Variants in ATP13A4 observed in about 807,000 individuals in gnomAD.
ATP13A4 encodes the protein probable cation-transporting ATPase 13A4.
ATP13A4 carries 114 observed loss-of-function variants against 142.5 expected under a neutral mutation model. That is an observed-to-expected ratio of 0.80 (90% CI 0.69 to 0.93). The LOEUF (loss-of-function observed/expected upper bound fraction) is 0.93, where lower values mean the gene tolerates loss of function less well. Among genes scored for constraint, ATP13A4 ranks in the 40% least tolerant of loss-of-function variants. The pLI, the probability that ATP13A4 is intolerant of heterozygous loss-of-function variation, is 0.00. For missense variants in ATP13A4, 1,392 were observed against 1,454.0 expected, an observed-to-expected ratio of 0.96 and a Z score of 0.69; for synonymous variants, 488 against 514.8, an observed-to-expected ratio of 0.95 and a Z score of 0.70.
intron 1 of ATP13A4, among the ~76,000 whole-genome samples, chr3:193,530,702 C>G (rs995724176): frequency 3.9e-5 from 6 of 152,152 alleles, no homozygotes; most frequent in Non-Finnish European, 8.8e-5. Flanking sequence ...AATTCACTTA[C>G]CTACTAGAGT....
chr3:193,540,697 T>C (rs1484655255), intron 1 of ATP13A4, among the ~76,000 whole-genome samples: 1 of 150,300 alleles, frequency 6.7e-6, no homozygotes, highest in African/African-American at 2.4e-5. Context: ...ATTAAAAGAA[T>C]GTTTATTAAG....
At chr3:193,573,122 C>T (rs997826202) in intron 2 of ATP13A4, among the ~76,000 whole-genome samples, 2 of 150,466 alleles carry the variant, frequency 1.3e-5, no homozygotes, top group Non-Finnish European at 3.0e-5. Flanking sequence ...GAGCCGAGAT[C>T]ACCGACATGG....
intron 19 of ATP13A4, among the ~76,000 whole-genome samples, chr3:193,442,182 G>A (rs1219167305): frequency 6.6e-6 from 1 of 152,136 alleles, no homozygotes; most frequent in Non-Finnish European, 1.5e-5. Context: ...CTTTTTTAAG[G>A]TTAAAAGATG....
intron 1 of ATP13A4, among the ~76,000 whole-genome samples, chr3:193,592,729 T>C (rs989564750): frequency 8.5e-5 from 13 of 152,228 alleles, no homozygotes; most frequent in African/African-American, 3.1e-4. Flanking sequence ...GGACTTAGCC[T>C]ATCCATGACT....
chr3:193,455,140 C>T (rs1254421775), intron 16 of ATP13A4, among the ~76,000 whole-genome samples: 1 of 151,892 alleles, frequency 6.6e-6, no homozygotes, highest in Non-Finnish European at 1.5e-5. Context: ...AAATCGAGAC[C>T]ATCCTGGCTA....
In ATP13A4 at chr3:193,491,325, T is replaced by C; in HGVS notation, c.603+4A>G. On this transcript the variant is annotated splice_donor_region_variant and intron_variant, in intron 6 of 29. Transcript: ENST00000342695. ...ACACCAAGAGAAAATGCTGGAGAAA[T>C]TACCTCCTTGATGAGCAGTTTCCAA... is the stretch of plus-strand genomic sequence containing the variant. The C allele has an allele frequency of 6.3e-7, 1 of 1,589,798 alleles. No individual in the cohort carries two copies. Among genetic ancestry groups the C allele is most frequent in the South Asian group, 1.1e-5 (1 of 90,548 alleles).
intron 2 of ATP13A4, among the ~76,000 whole-genome samples, chr3:193,562,662 G>A (rs946353505): frequency 1.3e-5 from 2 of 152,142 alleles, no homozygotes; most frequent in Non-Finnish European, 2.9e-5. Flanking sequence ...ATGAGGTCAG[G>A]AGTTCAAGAC....
upstream of ATP13A4, among the ~76,000 whole-genome samples, chr3:193,558,322 A>C (rs1723947306): frequency 6.6e-6 from 1 of 152,174 alleles, no homozygotes; most frequent in South Asian, 2.1e-4. Flanking sequence ...TCTATACTCT[A>C]CGTGCCTCAC....
At chr3:193,455,014 CA>C (rs550161632) in intron 16 of ATP13A4, among the ~76,000 whole-genome samples, 290 of 151,926 alleles carry the variant, frequency 1.9e-3, no homozygotes, top group African/African-American at 6.6e-3. Flanking sequence ...AGAACATTTA[CA>C]AAAAGAAAAA....
chr3:193,438,360 A>G lies in ATP13A4; in HGVS notation c.2672+115T>C, dbSNP rs56298741. 7.5e-3 allele frequency: 6,420 copies of G among 860,194 alleles called. 44 individuals are homozygous for G. Among genetic ancestry groups the G allele is most frequent in the Non-Finnish European group, 9.2e-3 (4,746 of 517,730 alleles). 53.3% of individuals were successfully genotyped at this position (860,194 alleles called of 1,614,324 possible). On this transcript the variant is annotated intron_variant, in intron 23 of 29. Coordinates refer to ENST00000342695, the MANE Select transcript of ATP13A4 (RefSeq NM_032279.4). ...AATGCTTGACTGCATTCTTCCACAA[A>G]ACACCCTCCGCACCCAGGGACAGAA...
intron 2 of ATP13A4, among the ~76,000 whole-genome samples, chr3:193,563,925 A>G (rs1724079182): frequency 6.6e-6 from 1 of 152,210 alleles, no homozygotes; most frequent in Non-Finnish European, 1.5e-5. Flanking sequence ...AGAGCCAGAA[A>G]AGTTACCTTC....
intron 1 of ATP13A4, among the ~76,000 whole-genome samples, chr3:193,527,282 A>G (rs1722057310): frequency 6.6e-6 from 1 of 152,074 alleles, no homozygotes; most frequent in Non-Finnish European, 1.5e-5. Context: ...TTCTTCTGAT[A>G]GTGAGTGAGA....
At chr3:193,456,949 T>C in intron 16 of ATP13A4, 51 bp downstream of exon 16, 1 of 1,566,546 alleles carries the variant, frequency 6.4e-7, no homozygotes, top group South Asian at 1.2e-5. Context: ...TGGGAACATA[T>C]TTATCTGGAG....
At chr3:193,510,169 G>C (rs1721069323) in intron 2 of ATP13A4, among the ~76,000 whole-genome samples, 1 of 152,166 alleles carries the variant, frequency 6.6e-6, no homozygotes, top group Admixed American at 6.5e-5. Flanking sequence ...GCGACCCAGT[G>C]AACACAGATG....
At chr3:193,464,508 C>T (rs750234324) in intron 12 of ATP13A4, among the ~76,000 whole-genome samples, 2 of 152,204 alleles carry the variant, frequency 1.3e-5, no homozygotes, top group Non-Finnish European at 2.9e-5. Flanking sequence ...TAGTAAGGCA[C>T]AGTTTAATAA....
chr3:193,590,505 C>T (rs779987304), intron 1 of ATP13A4, among the ~76,000 whole-genome samples: 2 of 152,164 alleles, frequency 1.3e-5, no homozygotes. Flanking sequence ...GAAACCATAC[C>T]TACGTCTTAG....
At chr3:193,441,018 T>C (rs1427984693) in intron 20 of ATP13A4, among the ~76,000 whole-genome samples, 2 of 121,180 alleles carry the variant, frequency 1.7e-5, no homozygotes, top group Non-Finnish European at 3.8e-5. Flanking sequence ...TCTCTCTCTC[T>C]ATATATATAT....
chr3:193,477,749 T>C (rs1719051684), intron 8 of ATP13A4, among the ~76,000 whole-genome samples: 1 of 151,980 alleles, frequency 6.6e-6, no homozygotes, highest in African/African-American at 2.4e-5. Flanking sequence ...TGAGCATCGA[T>C]GGAGATCTTG....
At chr3:193,566,426 C>T (rs576963270) in intron 2 of ATP13A4, among the ~76,000 whole-genome samples, 3 of 152,280 alleles carry the variant, frequency 2.0e-5, no homozygotes, top group East Asian at 1.9e-4. Flanking sequence ...GACCTATTGG[C>T]CCTATATTCT....
Sources: gnomAD v4.1 joint callset for allele counts (sites outside exome capture counted in the v4.1 genomes callset) on GRCh38, gnomAD v4.1.1 for gene constraint, MANE v1.5 for transcripts, NCBI Gene and HGNC (gene_info 2026-07-23, HGNC 2026-07-21) for gene names.